ZNF704: variants seen among roughly 807,000 people sequenced by gnomAD.
The protein encoded by ZNF704 is glucocorticoid induced gene 1.
Under a neutral mutation model 44.7 loss-of-function variants are expected in ZNF704, and 10 were observed. That is an observed-to-expected ratio of 0.22 (90% CI 0.14 to 0.38). ZNF704 has a LOEUF of 0.38. ZNF704 is among the 10% of genes least tolerant of loss of function. The probability of loss-of-function intolerance (pLI) is 1.00; values close to 1 mark genes in which losing one functional copy is unlikely to be tolerated. For synonymous variants in ZNF704, 211 were observed against 207.6 expected, an observed-to-expected ratio of 1.02 and a Z score of -0.14; for missense variants, 390 against 545.5, an observed-to-expected ratio of 0.71 and a Z score of 2.84.
At chr8:80,820,857 C>T (rs1808257713) in intron 2 of ZNF704, among the ~76,000 whole-genome samples, 1 of 152,084 alleles carries the variant, frequency 6.6e-6, no homozygotes, top group Admixed American at 6.6e-5. Flanking sequence ...AGTGAGCTAC[C>T]TTTGCGTCAC....
At chr8:80,794,966 T>C (rs749557649) in intron 2 of ZNF704, among the ~76,000 whole-genome samples, 73 of 152,320 alleles carry the variant, frequency 4.8e-4, no homozygotes, top group South Asian at 1.0e-3. Flanking sequence ...GTATGGTACA[T>C]GAAGCATTGC....
intron 2 of ZNF704, among the ~76,000 whole-genome samples, chr8:80,818,754 A>G (rs1351850172): frequency 1.3e-5 from 2 of 152,196 alleles, no homozygotes; most frequent in African/African-American, 2.4e-5. Context: ...AGATTTACTC[A>G]AAGTTCATTA....
intron 2 of ZNF704, among the ~76,000 whole-genome samples, chr8:80,766,425 G>A (rs1807228389): frequency 6.6e-6 from 1 of 152,062 alleles, no homozygotes; most frequent in Non-Finnish European, 1.5e-5. Flanking sequence ...CTATTTCCTG[G>A]TGTCTAGCTG....
chr8:80,670,936 C>G (rs1167372295), intron 4 of ZNF704, among the ~76,000 whole-genome samples: 5 of 152,170 alleles, frequency 3.3e-5, no homozygotes, highest in Non-Finnish European at 7.4e-5. Flanking sequence ...AAGTGTTTAT[C>G]TCCTTTAATC....
rs190998726 is a variant in ZNF704 at position 80,792,274 on chromosome 8, T to C, written c.221+29100A>G. 3.3e-5 allele frequency among the ~76,000 whole-genome samples: 5 copies of C among 152,160 alleles called. No individual in the cohort carries two copies. In the East Asian group the frequency reaches 9.6e-4, roughly 29 times the overall value. On this transcript the variant is annotated intron_variant, in intron 2 of 8. Transcript: ENST00000327835. ...TGTAACTGCTGTTAGAAATGCAAATTTGAACAACTTCTGGCAAAAGACATT... is the reference window on the plus strand; with the variant it reads ...TGTAACTGCTGTTAGAAATGCAAATCTGAACAACTTCTGGCAAAAGACATT...
At chr8:80,879,764 T>G, upstream of ZNF704, among the ~76,000 whole-genome samples, 1 of 152,242 alleles carries the variant, frequency 6.6e-6, no homozygotes, top group East Asian at 1.9e-4. Context: ...AACCTCCCTT[T>G]CCACAAACTG....
At chr8:80,813,577 A>T (rs1310330414) in intron 2 of ZNF704, among the ~76,000 whole-genome samples, 1 of 152,180 alleles carries the variant, frequency 6.6e-6, no homozygotes, top group African/African-American at 2.4e-5. Context: ...TGCCTAAGCT[A>T]TAATTAAGAA....
intron 2 of ZNF704, among the ~76,000 whole-genome samples, chr8:80,773,872 A>T (rs1807366347): frequency 6.6e-6 from 1 of 152,092 alleles, no homozygotes; most frequent in Non-Finnish European, 1.5e-5. Flanking sequence ...ACTGCTTTAA[A>T]ATCTTTGTCA....
chr8:80,762,725 C>T (rs1226998999), intron 2 of ZNF704, among the ~76,000 whole-genome samples: 4 of 152,138 alleles, frequency 2.6e-5, no homozygotes, highest in Non-Finnish European at 5.9e-5. Context: ...AACAGTCCTC[C>T]AAAGTCTTAA....
chr8:80,882,194 G>A, the ZNF704 span, among the ~76,000 whole-genome samples: 1 of 152,208 alleles, frequency 6.6e-6, no homozygotes, highest in African/African-American at 2.4e-5. Flanking sequence ...CGTTTGACTA[G>A]ACGGCTTTAC....
At chr8:80,741,349 T>C (rs1394636351) in intron 2 of ZNF704, among the ~76,000 whole-genome samples, 5 of 151,880 alleles carry the variant, frequency 3.3e-5, no homozygotes, top group African/African-American at 9.7e-5. Flanking sequence ...AGAAAAAAAA[T>C]AGGAATAGCT....
At chr8:80,689,618 G>C (rs1160768267) in intron 3 of ZNF704, among the ~76,000 whole-genome samples, 1 of 152,186 alleles carries the variant, frequency 6.6e-6, no homozygotes, top group Non-Finnish European at 1.5e-5. Flanking sequence ...ATATACTGTA[G>C]TATGCATTTG....
At chr8:80,709,288 C>T (rs987805535) in intron 2 of ZNF704, among the ~76,000 whole-genome samples, 1 of 151,364 alleles carries the variant, frequency 6.6e-6, no homozygotes, top group Non-Finnish European at 1.5e-5. Context: ...ATTAAAAATA[C>T]AAAAAATTAG....
At chr8:80,770,292 C>T (rs534466186) in intron 2 of ZNF704, among the ~76,000 whole-genome samples, 17 of 152,306 alleles carry the variant, frequency 1.1e-4, no homozygotes, top group African/African-American at 3.6e-4. Flanking sequence ...GGATTCCTCA[C>T]GATGTCCTAT....
At chr8:80,849,041 T>C (rs1054299248) in intron 1 of ZNF704, among the ~76,000 whole-genome samples, 1 of 152,200 alleles carries the variant, frequency 6.6e-6, no homozygotes, top group African/African-American at 2.4e-5. Context: ...TAGATACCTT[T>C]AAGCAGCTAA....
intron 7 of ZNF704, 92 bp downstream of exon 7, chr8:80,659,493 G>C (rs974505670): frequency 2.0e-5 from 20 of 977,924 alleles, no homozygotes; most frequent in South Asian, 1.3e-4. Context: ...TCTGATGTTT[G>C]TATTTTTCTT....
rs1808317090 is a variant in ZNF704 at position 80,823,591 on chromosome 8, G to A, written c.-21-1976C>T. On this transcript the variant is annotated intron_variant, in intron 1 of 8. Coordinates refer to ENST00000327835, the MANE Select transcript of ZNF704 (RefSeq NM_001033723.3). ...AGAGTAGTGGTGCTCCCAGCACGGA[G>A]TGTGAGATCTGCAAACGTACAGTCT... Among the ~76,000 whole-genome samples, 2 of 152,344 alleles carry A rather than the reference G, an allele frequency of 1.3e-5. 1 individual carries two copies. Among genetic ancestry groups the A allele is most frequent in the East Asian group, 3.9e-4 (2 of 5,174 alleles).
chr8:80,874,321 T>G lies in ZNF704; in HGVS notation c.-22+250A>C, dbSNP rs1218704725. Among the ~76,000 whole-genome samples, 98 of 143,804 alleles carry G rather than the reference T, an allele frequency of 6.8e-4. No homozygotes were observed. Among genetic ancestry groups the G allele is most frequent in the African/African-American group, 2.3e-3 (92 of 40,028 alleles). 94.3% of individuals were successfully genotyped at this position (143,804 alleles called of 152,430 possible). ...TGTGAGCGAGCGGCGCGCTGCCGCCTCCGCCGCCGCCGCCGCCGCCCGGGA... is the reference window on the plus strand; with the variant it reads ...TGTGAGCGAGCGGCGCGCTGCCGCCGCCGCCGCCGCCGCCGCCGCCCGGGA... On this transcript the variant is annotated intron_variant, in intron 1 of 8. Coordinates refer to ENST00000327835, the MANE Select transcript of ZNF704 (RefSeq NM_001033723.3). The surrounding 1 kb of genome is among the most constrained non-coding windows in gnomAD (Gnocchi z 4.4).
chr8:80,727,939 T>C (rs542370919), intron 2 of ZNF704, among the ~76,000 whole-genome samples: 2 of 152,286 alleles, frequency 1.3e-5, no homozygotes, highest in South Asian at 2.1e-4. Flanking sequence ...AAGTCACTGA[T>C]TGCTGCACTT....
Sources: allele counts gnomAD v4.1 joint callset (sites outside exome capture counted in the v4.1 genomes callset), GRCh38; gene constraint gnomAD v4.1.1; non-coding constraint Gnocchi (gnomAD v3.1); transcripts MANE v1.5; gene names NCBI Gene and HGNC (gene_info 2026-07-23, HGNC 2026-07-21).